KCNH1: variants seen among roughly 807,000 people sequenced by gnomAD.
KCNH1 encodes the protein voltage-gated delayed rectifier potassium channel KCNH1.
In KCNH1, 27 loss-of-function variants were observed where a neutral mutation model predicts 69.2. The observed-to-expected ratio is 0.39, with a 90% CI of 0.29 to 0.54. KCNH1 has a LOEUF of 0.54. Ranked by LOEUF, KCNH1 falls within the 20% of genes least tolerant of loss-of-function variation. The pLI, the probability that KCNH1 is intolerant of heterozygous loss-of-function variation, is 0.68. For synonymous variants in KCNH1, 456 were observed against 487.7 expected, an observed-to-expected ratio of 0.93 and a Z score of 0.86; for missense variants, 798 against 1,261.6, an observed-to-expected ratio of 0.63 and a Z score of 5.57.
chr1:210,963,638 G>T lies in KCNH1; in HGVS notation c.1033-43569C>A, dbSNP rs141391148. Among the ~76,000 whole-genome samples, 235 of 152,062 alleles carry T rather than the reference G, an allele frequency of 1.5e-3. 1 individual carries two copies. The highest frequency in any genetic ancestry group is 5.4e-3 in the African/African-American group (224 of 41,480). ...GAAAAACACAGCGCAAGAACTTCAT[G>T]AAGCATACACAAGTATCAATAGCCG... On this transcript the variant is annotated intron_variant, in intron 6 of 10. Transcript: ENST00000271751.
chr1:210,880,573 A>G (rs1239512779), intron 7 of KCNH1, among the ~76,000 whole-genome samples: 2 of 152,202 alleles, frequency 1.3e-5, no homozygotes, highest in Non-Finnish European at 1.5e-5. Context: ...TACACCTCTG[A>G]CAAAAATTAA....
At chr1:210,923,491 A>T (rs764351513) in intron 6 of KCNH1, among the ~76,000 whole-genome samples, 2 of 152,164 alleles carry the variant, frequency 1.3e-5, no homozygotes, top group African/African-American at 2.4e-5. Context: ...ACTACCCAAA[A>T]GCTATGCTAT....
intron 10 of KCNH1, among the ~76,000 whole-genome samples, chr1:210,745,200 T>A (rs999004874): frequency 9.5e-5 from 7 of 73,648 alleles, no homozygotes; most frequent in Non-Finnish European, 1.8e-4. Flanking sequence ...TGAGACTCTG[T>A]CTCAATAATA....
chr1:210,956,953 T>C (rs1447116182), intron 6 of KCNH1, among the ~76,000 whole-genome samples: 1 of 152,158 alleles, frequency 6.6e-6, no homozygotes, highest in African/African-American at 2.4e-5. Flanking sequence ...TGCCTTCTGC[T>C]AACTTTTGAA....
In KCNH1 at chr1:210,962,930, C is replaced by T. The variant is rs569378505; in HGVS notation, c.1033-42861G>A. 3.3e-5 allele frequency among the ~76,000 whole-genome samples: 5 copies of T among 150,784 alleles called. No individual in the cohort carries two copies. In the East Asian group the frequency reaches 5.8e-4, roughly 18 times the overall value. ...TTACATATGAGGTAAAGTATCGTTT[C>T]GTATGTTGGTAGTCATTTGTGCTTC... On this transcript the variant is annotated intron_variant, in intron 6 of 10. Transcript: ENST00000271751.
intron 7 of KCNH1, among the ~76,000 whole-genome samples, chr1:210,836,463 C>G (rs758347216): frequency 1.3e-5 from 2 of 152,124 alleles, no homozygotes; most frequent in Non-Finnish European, 2.9e-5. Context: ...TGGAGTCATA[C>G]AAACTTCTCA....
chr1:210,846,950 AT>A (rs1685564678), intron 7 of KCNH1, among the ~76,000 whole-genome samples: 1 of 152,242 alleles, frequency 6.6e-6, no homozygotes, highest in Non-Finnish European at 1.5e-5. Flanking sequence ...AAAAGAAGAC[AT>A]TTATGCAGAC....
At chr1:211,041,540 C>T (rs1689995293) in intron 5 of KCNH1, among the ~76,000 whole-genome samples, 1 of 152,208 alleles carries the variant, frequency 6.6e-6, no homozygotes, top group African/African-American at 2.4e-5. Context: ...GCTCTCTCTA[C>T]TTTCATTCTT....
chr1:210,731,733 G>A (rs935719150), intron 10 of KCNH1, among the ~76,000 whole-genome samples: 19 of 152,168 alleles, frequency 1.2e-4, no homozygotes, highest in African/African-American at 4.6e-4. Flanking sequence ...CTCCGATAGA[G>A]TTCCCAGGTA....
At chr1:210,985,176 G>T (rs1027688290) in intron 6 of KCNH1, among the ~76,000 whole-genome samples, 1 of 151,770 alleles carries the variant, frequency 6.6e-6, no homozygotes, top group Non-Finnish European at 1.5e-5. Flanking sequence ...TCTCTCTTTT[G>T]TTCTTTATTA....
intron 10 of KCNH1, among the ~76,000 whole-genome samples, chr1:210,734,289 C>T (rs1371587971): frequency 1.3e-5 from 2 of 152,184 alleles, no homozygotes; most frequent in African/African-American, 4.8e-5. Flanking sequence ...ACAAGTCCCA[C>T]CTATTCCCAT....
At chr1:211,000,782 C>T (rs538912963) in intron 6 of KCNH1, among the ~76,000 whole-genome samples, 95 of 152,254 alleles carry the variant, frequency 6.2e-4, no homozygotes, top group African/African-American at 2.2e-3. Flanking sequence ...GCTACAGTAA[C>T]CAAAACAGCA....
rs377640898 is a variant in KCNH1, at chr1:210,683,939, A to G, written c.2312T>C (p.Val771Ala). 2 of 1,608,224 alleles carry G rather than the reference A, an allele frequency of 1.2e-6. No individual in the cohort carries two copies. The highest frequency in any genetic ancestry group is 1.7e-6 in the Non-Finnish European group (2 of 1,175,286). Residue 771 changes from valine (V) to alanine (A), a missense_variant, in exon 11 of 11, where the codon GTC becomes GCC. By Grantham distance (64) the Val-to-Ala change is moderately conservative (BLOSUM62 0). Around this residue, in one of 4 missense-constraint regions of KCNH1, gnomAD observed 331 missense variants for 363.2 expected, o/e 0.91. Transcript: ENST00000271751. This position sits in a 1 kb window ranked among gnomAD's most constrained non-coding sequence, Gnocchi z 5.7. ...GTTGGCGGAGGCATGCTCTGTAAGG[A>G]CATTGCCCTTCTCCACATCTAGGTC... ...LDDLDVEKGNVLTEHASANHS... is the reference protein window; with the variant it reads ...LDDLDVEKGNALTEHASANHS...
At chr1:210,875,367 A>T (rs752531659) in intron 7 of KCNH1, among the ~76,000 whole-genome samples, 15 of 152,234 alleles carry the variant, frequency 9.9e-5, no homozygotes, top group Admixed American at 2.6e-4. Context: ...AGTCATAATG[A>T]TTAGAAAATG....
intron 6 of KCNH1, among the ~76,000 whole-genome samples, chr1:211,008,515 C>G (rs1485041114): frequency 6.6e-6 from 1 of 152,212 alleles, no homozygotes; most frequent in Non-Finnish European, 1.5e-5. Flanking sequence ...CTGACACACT[C>G]AATATGGTTG....
intron 7 of KCNH1, among the ~76,000 whole-genome samples, chr1:210,828,338 C>T (rs1685077256): frequency 6.6e-6 from 1 of 152,114 alleles, no homozygotes; most frequent in South Asian, 2.1e-4. Flanking sequence ...CATAGGAACT[C>T]ACAGTGTAAT....
At chr1:210,930,286 T>C (rs1312904589) in intron 6 of KCNH1, among the ~76,000 whole-genome samples, 5 of 152,096 alleles carry the variant, frequency 3.3e-5, no homozygotes, top group African/African-American at 9.7e-5. Flanking sequence ...CTGCAAACTA[T>C]ATTATAAGGC....
At chr1:210,884,127 T>C (rs971084270) in intron 7 of KCNH1, among the ~76,000 whole-genome samples, 1 of 152,160 alleles carries the variant, frequency 6.6e-6, no homozygotes, top group Admixed American at 6.5e-5. Context: ...GTTGCACCCA[T>C]AGGCACGTGC....
chr1:210,804,024 T>A lies in KCNH1; in HGVS notation c.1605A>T (p.Arg535=). 1 of 1,614,228 alleles carries A rather than the reference T, an allele frequency of 6.2e-7. No homozygotes were observed. The highest frequency in any genetic ancestry group is 8.5e-7 in the Non-Finnish European group (1 of 1,180,036). ...LYQVPKGLSE[R]VMDYIVSTWS... ...AAGTGGACACAATATAATCCATTAC[T>A]CGCTCACTCAATCCTTTTGGCACCT... Residue 535 remains arginine, a synonymous_variant, in exon 8 of 11, where the codon CGA becomes CGT. Coordinates refer to ENST00000271751, the MANE Select transcript of KCNH1 (RefSeq NM_172362.3).
Sources: allele counts gnomAD v4.1 joint callset (sites outside exome capture counted in the v4.1 genomes callset), GRCh38; gene constraint gnomAD v4.1.1; regional missense constraint gnomAD v4.1.1; non-coding constraint Gnocchi (gnomAD v3.1); transcripts MANE v1.5; gene names NCBI Gene and HGNC (gene_info 2026-07-23, HGNC 2026-07-21).